NDUFAF2: variants seen among roughly 807,000 people sequenced by gnomAD.
The protein encoded by NDUFAF2 is NADH:ubiquinone oxidoreductase complex assembly factor 2, also known as NADH dehydrogenase [ubiquinone] 1 alpha subcomplex assembly factor 2.
Under a neutral mutation model 22.8 loss-of-function variants are expected in NDUFAF2, and 13 were observed. The ratio of observed to expected loss-of-function variants is 0.57; its 90% CI spans 0.37 to 0.91. NDUFAF2 has a LOEUF of 0.91. Among genes scored for constraint, NDUFAF2 ranks in the 40% least tolerant of loss-of-function variants. NDUFAF2 has a pLI of 0.01. For missense variants in NDUFAF2, 162 were observed against 195.2 expected (o/e 0.83, Z 1.01); for synonymous variants, 53 against 64.2 (o/e 0.83, Z 0.84).
intron 3 of NDUFAF2, among the ~76,000 whole-genome samples, chr5:61,123,385 C>T (rs148124959): frequency 2.6e-4 from 39 of 152,102 alleles, no homozygotes; most frequent in Middle Eastern, 3.4e-3. Flanking sequence ...ATAGTATAGC[C>T]CATTACTCCT....
chr5:61,113,728 G>A (rs545955031), intron 3 of NDUFAF2, among the ~76,000 whole-genome samples: 1 of 152,284 alleles, frequency 6.6e-6, no homozygotes, highest in South Asian at 2.1e-4. Context: ...TGAACTGTGA[G>A]TCAATTAAAT....
At chr5:61,040,299 C>CGT (rs1751861627) in intron 1 of NDUFAF2, among the ~76,000 whole-genome samples, 2 of 149,792 alleles carry the variant, frequency 1.3e-5, no homozygotes, top group Admixed American at 6.6e-5. Flanking sequence ...CGCGCGCGCG[C>CGT]GCGAAAGTTG....
chr5:61,098,945 G>C lies in NDUFAF2; in HGVS notation c.218-47G>C, dbSNP rs148765359. ...ATTTGTTTTATGGATAAAAATGTTT[G>C]TGTAAATTATGGGAAACTGACATTT... On this transcript the variant is annotated intron_variant, in intron 2 of 3. Transcript: ENST00000296597. 43 of 1,515,372 alleles carry C rather than the reference G, an allele frequency of 2.8e-5. No individual in the cohort carries two copies. The African/African-American group carries it at 3.7e-4, about 13-fold the overall frequency. The allele number at this position is 1,515,372 out of a possible 1,614,324, so 93.9% of individuals were successfully genotyped here.
At chr5:61,017,553 G>C (rs189511093) in intron 1 of NDUFAF2, among the ~76,000 whole-genome samples, 2 of 152,066 alleles carry the variant, frequency 1.3e-5, no homozygotes, top group African/African-American at 4.8e-5. Flanking sequence ...GCACCAGCCC[G>C]TTAGAACTGA....
chr5:61,029,149 TACTC>T (rs1751692975), intron 1 of NDUFAF2, among the ~76,000 whole-genome samples: 1 of 152,114 alleles, frequency 6.6e-6, no homozygotes, highest in African/African-American at 2.4e-5. Context: ...TCTAGGTAAA[TACTC>T]ACTTTCAAAA....
chr5:61,110,095 G>A (rs1193024899), intron 3 of NDUFAF2, among the ~76,000 whole-genome samples: 1 of 151,982 alleles, frequency 6.6e-6, no homozygotes, highest in Non-Finnish European at 1.5e-5. Context: ...CCATCCTTCT[G>A]TTGATATGAT....
intron 3 of NDUFAF2, among the ~76,000 whole-genome samples, chr5:61,131,913 C>T (rs953088010): frequency 2.0e-5 from 3 of 151,700 alleles, no homozygotes; most frequent in Non-Finnish European, 2.9e-5. Context: ...GTATTTTTTT[C>T]AAGATGTATT....
At chr5:60,967,738 G>A (rs1157328551) in intron 1 of NDUFAF2, among the ~76,000 whole-genome samples, 13 of 151,196 alleles carry the variant, frequency 8.6e-5, no homozygotes, top group Admixed American at 8.6e-4. Context: ...CTTGAATTAG[G>A]TTTGCCAATA....
At chr5:61,060,641 C>CAACT (rs1480658955) in intron 1 of NDUFAF2, among the ~76,000 whole-genome samples, 1 of 152,108 alleles carries the variant, frequency 6.6e-6, no homozygotes, top group East Asian at 1.9e-4. Context: ...TACAAGGGAA[C>CAACT]AACTATCTCA....
intron 3 of NDUFAF2, among the ~76,000 whole-genome samples, chr5:61,127,995 C>T (rs528219261): frequency 1.6e-4 from 24 of 152,254 alleles, no homozygotes; most frequent in Middle Eastern, 6.8e-3. Context: ...CATTCTTATA[C>T]ACCAATAACA....
chr5:61,151,608 G>A (rs531324885), intron 3 of NDUFAF2, among the ~76,000 whole-genome samples: 6 of 152,078 alleles, frequency 3.9e-5, no homozygotes, highest in Admixed American at 1.3e-4. Flanking sequence ...GAGAAACCCC[G>A]TTTCTACTAA....
At chr5:61,141,951 A>T (rs943017000) in intron 3 of NDUFAF2, among the ~76,000 whole-genome samples, 87 of 152,176 alleles carry the variant, frequency 5.7e-4, no homozygotes, top group African/African-American at 2.0e-3. Flanking sequence ...AATCATTCAC[A>T]GATGGAGCCT....
intron 1 of NDUFAF2, among the ~76,000 whole-genome samples, chr5:61,002,783 C>G (rs1751313814): frequency 6.6e-6 from 1 of 152,126 alleles, no homozygotes; most frequent in African/African-American, 2.4e-5. Context: ...TGGTCCAATT[C>G]TTCCATCCAG....
intron 2 of NDUFAF2, among the ~76,000 whole-genome samples, chr5:61,078,676 G>C (rs1752398862): frequency 6.6e-6 from 1 of 152,156 alleles, no homozygotes; most frequent in Admixed American, 6.5e-5. Context: ...GAGAGGCAGA[G>C]GTTGCAGTGA....
intron 3 of NDUFAF2, among the ~76,000 whole-genome samples, chr5:61,132,403 C>T (rs1276797799): frequency 3.3e-5 from 5 of 152,124 alleles, no homozygotes; most frequent in African/African-American, 1.2e-4. Flanking sequence ...TGCTTCCCTC[C>T]CCCACCTCCT....
At chr5:61,095,872 G>A (rs771934578) in intron 2 of NDUFAF2, among the ~76,000 whole-genome samples, 22 of 152,264 alleles carry the variant, frequency 1.4e-4, no homozygotes, top group Non-Finnish European at 2.4e-4. Flanking sequence ...GGGTCGAGTT[G>A]TTTCCTTGAT....
chr5:61,038,712 G>T (rs1372118526), intron 1 of NDUFAF2, among the ~76,000 whole-genome samples: 1 of 152,080 alleles, frequency 6.6e-6, no homozygotes, highest in Admixed American at 6.6e-5. Context: ...TGGATAAAGA[G>T]GTAAATGCTA....
intron 1 of NDUFAF2, among the ~76,000 whole-genome samples, chr5:61,039,158 A>G (rs1751839733): frequency 6.6e-6 from 1 of 151,902 alleles, no homozygotes; most frequent in South Asian, 2.1e-4. Context: ...AAAAAAAAAA[A>G]AAAGTCTTGG....
At chr5:61,060,695 A>G (rs1309782680) in intron 1 of NDUFAF2, among the ~76,000 whole-genome samples, 3 of 151,990 alleles carry the variant, frequency 2.0e-5, no homozygotes, top group Non-Finnish European at 2.9e-5. Context: ...TTCAACCCCA[A>G]AGTCACCTCC....
Sources: allele counts gnomAD v4.1 joint callset (sites outside exome capture counted in the v4.1 genomes callset), GRCh38; gene constraint gnomAD v4.1.1; transcripts MANE v1.5; gene names NCBI Gene and HGNC (gene_info 2026-07-23, HGNC 2026-07-21).